HS3ST4: variants seen among roughly 807,000 people sequenced by gnomAD.
The protein encoded by HS3ST4 is heparan sulfate glucosamine 3-O-sulfotransferase 4.
A neutral mutation model predicts 29.2 loss-of-function variants in HS3ST4; 17 were observed. The observed-to-expected ratio is 0.58, with a 90% confidence interval of 0.40 to 0.87. The LOEUF (loss-of-function observed/expected upper bound fraction) is 0.87. Ranked by LOEUF, HS3ST4 falls within the 40% of genes least tolerant of loss-of-function variation. HS3ST4 has a pLI of 0.00. For missense variants in HS3ST4, 627 were observed against 634.5 expected (o/e 0.99, Z 0.13); for synonymous variants, 314 against 285.7 (o/e 1.10, Z -1.00).
At chr16:25,710,921 A>G (rs931463401) in intron 1 of HS3ST4, among the ~76,000 whole-genome samples, 1 of 143,360 alleles carries the variant, frequency 7.0e-6, no homozygotes, top group Non-Finnish European at 1.5e-5. Context: ...GGCTCAAGTG[A>G]TCCTCCAGCC....
Position 25,734,339 on chromosome 16 carries a change from T to G in HS3ST4, c.734+41188T>G, listed in dbSNP as rs551334274. Among the ~76,000 whole-genome samples, 79 of 152,256 alleles carry G rather than the reference T, an allele frequency of 5.2e-4. 2 individuals carry two copies. Among genetic ancestry groups the G allele is most frequent in the Admixed American group, 1.2e-3 (19 of 15,284 alleles). ...TGCCAAACGCATCCATCTGTACAGGTCTTCCAGCTTGGATCTTAAATTTCA... is the reference window on the plus strand; with the variant it reads ...TGCCAAACGCATCCATCTGTACAGGGCTTCCAGCTTGGATCTTAAATTTCA... On this transcript the variant is annotated intron_variant, in intron 1 of 1. Transcript: ENST00000331351.
chr16:26,091,576 C>T (rs1381858508), intron 1 of HS3ST4, among the ~76,000 whole-genome samples: 3 of 152,148 alleles, frequency 2.0e-5, no homozygotes, highest in Non-Finnish European at 2.9e-5. Flanking sequence ...TCTACCTCAC[C>T]AGCTGGGGAC....
At chr16:26,104,086 A>G (rs1899021135) in intron 1 of HS3ST4, among the ~76,000 whole-genome samples, 1 of 152,204 alleles carries the variant, frequency 6.6e-6, no homozygotes, top group Non-Finnish European at 1.5e-5. Flanking sequence ...ATGAGTTTCA[A>G]TGATGTAACC....
chr16:25,702,944 G>A (rs1051193727), intron 1 of HS3ST4, among the ~76,000 whole-genome samples: 5 of 151,978 alleles, frequency 3.3e-5, no homozygotes, highest in African/African-American at 1.2e-4. Flanking sequence ...GTGGATCACA[G>A]GGTCAAGAGA....
chr16:25,841,882 T>A (rs1967417037), intron 1 of HS3ST4, among the ~76,000 whole-genome samples: 3 of 152,210 alleles, frequency 2.0e-5, no homozygotes, highest in Non-Finnish European at 4.4e-5. Context: ...GGATTATCCA[T>A]AGATAAGAGT....
At chr16:26,133,790 C>A (rs185741161) in intron 1 of HS3ST4, among the ~76,000 whole-genome samples, 15 of 152,308 alleles carry the variant, frequency 9.8e-5, no homozygotes, top group Admixed American at 9.2e-4. Context: ...GCTAGGGGAT[C>A]TTTGTCTGTA....
At chr16:26,081,044 T>C (rs1412311596) in intron 1 of HS3ST4, among the ~76,000 whole-genome samples, 1 of 152,100 alleles carries the variant, frequency 6.6e-6, no homozygotes. Context: ...TCATCAACTT[T>C]GGAAGGTCAA....
intron 1 of HS3ST4, among the ~76,000 whole-genome samples, chr16:26,054,428 C>T (rs1250019225): frequency 6.6e-6 from 1 of 152,174 alleles, no homozygotes; most frequent in Non-Finnish European, 1.5e-5. Context: ...ACTCAGTTTA[C>T]CTAACAAGGC....
At chr16:25,772,678 T>C (rs1366768989) in intron 1 of HS3ST4, among the ~76,000 whole-genome samples, 1 of 152,200 alleles carries the variant, frequency 6.6e-6, no homozygotes, top group Admixed American at 6.5e-5. Context: ...AAGGCCCCCA[T>C]GTCTATAGGA....
chr16:25,999,621 T>C (rs977469521), intron 1 of HS3ST4, among the ~76,000 whole-genome samples: 2 of 150,560 alleles, frequency 1.3e-5, no homozygotes, highest in Non-Finnish European at 3.0e-5. Context: ...TTATTTTCCT[T>C]TATGTAATTT....
Position 25,756,339 on chromosome 16 carries a change from G to A in HS3ST4, c.734+63188G>A, listed in dbSNP as rs539004922. ...AAAATCACTCTGGTGGCAGTGAGGA[G>A]GGCTGCAGAAGATGATGATGATTTT... On this transcript the variant is annotated intron_variant, in intron 1 of 1. Coordinates refer to ENST00000331351, the MANE Select transcript of HS3ST4 (RefSeq NM_006040.3). Among the ~76,000 whole-genome samples the A allele has an allele frequency of 5.9e-5, 9 of 152,238 alleles. No individual in the cohort carries two copies. The South Asian group carries it at 1.7e-3, about 28-fold the overall frequency.
At chr16:25,715,805 A>G (rs1367876799) in intron 1 of HS3ST4, among the ~76,000 whole-genome samples, 2 of 152,204 alleles carry the variant, frequency 1.3e-5, no homozygotes, top group South Asian at 2.1e-4. Flanking sequence ...CCCTCTGTCC[A>G]TGATTTGCCC....
chr16:25,864,990 A>G (rs1221512570), intron 1 of HS3ST4, among the ~76,000 whole-genome samples: 1 of 135,864 alleles, frequency 7.4e-6, no homozygotes, highest in Non-Finnish European at 1.7e-5. Context: ...ACACATACAC[A>G]CTCACACACA....
intron 1 of HS3ST4, among the ~76,000 whole-genome samples, chr16:25,848,919 T>G (rs1227422880): frequency 1.3e-5 from 2 of 152,154 alleles, no homozygotes; most frequent in East Asian, 3.8e-4. Flanking sequence ...AGTTGTAAAT[T>G]TTCATCCAAG....
intron 1 of HS3ST4, among the ~76,000 whole-genome samples, chr16:26,045,856 T>C (rs1898258860): frequency 6.6e-6 from 1 of 152,254 alleles, no homozygotes; most frequent in East Asian, 1.9e-4. Flanking sequence ...ATGCATATTT[T>C]AACTCTCTTT....
At chr16:25,784,906 T>G (rs2141616928) in intron 1 of HS3ST4, among the ~76,000 whole-genome samples, 1 of 152,190 alleles carries the variant, frequency 6.6e-6, no homozygotes, top group East Asian at 1.9e-4. Flanking sequence ...AGAGGAGAAG[T>G]CAATGCCTGG....
chr16:26,123,618 G>A (rs955594304), intron 1 of HS3ST4, among the ~76,000 whole-genome samples: 1 of 152,154 alleles, frequency 6.6e-6, no homozygotes. Flanking sequence ...CCTGTCAGCC[G>A]AGCAGTGTAT....
chr16:25,768,290 T>A (rs1428556823), intron 1 of HS3ST4, among the ~76,000 whole-genome samples: 2 of 152,224 alleles, frequency 1.3e-5, no homozygotes, highest in African/African-American at 4.8e-5. Context: ...TTGCTTATTT[T>A]AAAAAATTGA....
chr16:25,970,003 C>T (rs998501741), intron 1 of HS3ST4, among the ~76,000 whole-genome samples: 1 of 152,246 alleles, frequency 6.6e-6, no homozygotes, highest in Non-Finnish European at 1.5e-5. Context: ...GTGGCTGGCA[C>T]AGTCAGTAAT....
Sources: gnomAD v4.1 joint callset for allele counts (sites outside exome capture counted in the v4.1 genomes callset) on GRCh38, gnomAD v4.1.1 for gene constraint, MANE v1.5 for transcripts, NCBI Gene and HGNC (gene_info 2026-07-23, HGNC 2026-07-21) for gene names.